DLG2: variants seen among roughly 807,000 people sequenced by gnomAD.
The protein encoded by DLG2 is discs large MAGUK scaffold protein 2.
Under a neutral mutation model 132.5 loss-of-function variants are expected in DLG2, and 45 were observed. That is an observed-to-expected ratio of 0.34 (90% CI 0.27 to 0.44). The LOEUF (loss-of-function observed/expected upper bound fraction) is 0.44. Among genes scored for constraint, DLG2 ranks in the 20% least tolerant of loss-of-function variants. DLG2 has a pLI of 1.00. For synonymous variants in DLG2, 424 were observed against 419.6 expected, an observed-to-expected ratio of 1.01 and a Z score of -0.13; for missense variants, 1,045 against 1,196.9, an observed-to-expected ratio of 0.87 and a Z score of 1.87.
chr11:84,347,143 A>C (rs2098542738), intron 7 of DLG2, among the ~76,000 whole-genome samples: 1 of 152,112 alleles, frequency 6.6e-6, no homozygotes, highest in Non-Finnish European at 1.5e-5. Flanking sequence ...TGATATGGAA[A>C]GTGTCACCCA....
chr11:83,894,300 T>A (rs942543428), intron 15 of DLG2, among the ~76,000 whole-genome samples: 4 of 151,968 alleles, frequency 2.6e-5, no homozygotes, highest in Non-Finnish European at 5.9e-5. Context: ...GATACATAAG[T>A]AAGTGATAGT....
In DLG2 at chr11:83,992,757, A is replaced by G. The variant is rs1381951475; in HGVS notation, c.920-12115T>C. ...GTCACTCCCTCCACTGAATTAGAAA[A>G]GGAGGAAAGGACAGTGGAGATGAAT... On this transcript the variant is annotated intron_variant, in intron 11 of 27. Coordinates refer to ENST00000376104, the MANE Select transcript of DLG2 (RefSeq NM_001142699.3). 2.0e-5 allele frequency among the ~76,000 whole-genome samples: 3 copies of G among 152,148 alleles called. No individual in the cohort carries two copies. The East Asian group carries it at 5.8e-4, about 29-fold the overall frequency.
At chr11:85,586,515 GA>G (rs1449962929) in intron 3 of DLG2, among the ~76,000 whole-genome samples, 1 of 152,108 alleles carries the variant, frequency 6.6e-6, no homozygotes, top group Non-Finnish European at 1.5e-5. Flanking sequence ...GAACAGTCTT[GA>G]ATGATCTTTT....
At chr11:83,800,218 T>C (rs1456303184) in intron 17 of DLG2, among the ~76,000 whole-genome samples, 2 of 152,198 alleles carry the variant, frequency 1.3e-5, no homozygotes, top group Non-Finnish European at 2.9e-5. Flanking sequence ...GCTGTTAGCT[T>C]ATTTGACTTT....
intron 3 of DLG2, among the ~76,000 whole-genome samples, chr11:85,419,899 TTTG>T (rs1597162079): frequency 1.3e-5 from 2 of 152,274 alleles, no homozygotes; most frequent in East Asian, 3.9e-4. Context: ...CTAGGAGGAG[TTTG>T]TTATTACCCA....
At chr11:85,153,496 A>G (rs2077398904) in intron 5 of DLG2, among the ~76,000 whole-genome samples, 1 of 152,098 alleles carries the variant, frequency 6.6e-6, no homozygotes, top group African/African-American at 2.4e-5. Context: ...TACAATTTTC[A>G]TTGTTTCTCA....
chr11:83,887,982 C>T (rs11512915), intron 15 of DLG2, among the ~76,000 whole-genome samples: 27,837 of 110,860 alleles, frequency 0.25, 4,171 homozygotes, highest in South Asian at 0.32. Flanking sequence ...GACAAACCCA[C>T]AGCCAATATC....
intron 3 of DLG2, among the ~76,000 whole-genome samples, chr11:85,359,923 G>A (rs905982945): frequency 5.9e-5 from 9 of 152,108 alleles, no homozygotes; most frequent in African/African-American, 2.2e-4. Flanking sequence ...TGAAAAAAAT[G>A]GTTTATATAA....
intron 8 of DLG2, among the ~76,000 whole-genome samples, chr11:84,196,296 A>G (rs1190402233): frequency 6.6e-6 from 1 of 152,200 alleles, no homozygotes; most frequent in Non-Finnish European, 1.5e-5. Flanking sequence ...AATCAATGTC[A>G]CAGGAACTCA....
chr11:85,557,135 C>T (rs548219111), intron 3 of DLG2, among the ~76,000 whole-genome samples: 1 of 151,734 alleles, frequency 6.6e-6, no homozygotes, highest in Non-Finnish European at 1.5e-5. Context: ...AGTAGCATTT[C>T]CATGATGAGA....
intron 4 of DLG2, among the ~76,000 whole-genome samples, chr11:85,277,621 CTG>C (rs565025855): frequency 4.1e-4 from 63 of 152,240 alleles, no homozygotes; most frequent in African/African-American, 1.5e-3. Flanking sequence ...ACTACCAGCT[CTG>C]TGAGTTACTC....
At chr11:83,480,393 T>C in intron 22 of DLG2, 1 of 1,535,514 alleles carries the variant, frequency 6.5e-7, no homozygotes, top group South Asian at 1.2e-5. Flanking sequence ...TCGCTATCGC[T>C]GGCATTAGAA....
chr11:85,265,991 C>A (rs951998204), intron 4 of DLG2, among the ~76,000 whole-genome samples: 5 of 152,192 alleles, frequency 3.3e-5, no homozygotes, highest in Admixed American at 6.5e-5. Flanking sequence ...CAGGACCCAC[C>A]AAATGTGGGT....
intron 16 of DLG2, among the ~76,000 whole-genome samples, chr11:83,862,976 G>C (rs2154052083): frequency 6.6e-6 from 1 of 152,248 alleles, no homozygotes; most frequent in Non-Finnish European, 1.5e-5. Context: ...TCAGTCGAGA[G>C]AAACTTTTCA....
At chr11:83,716,685 A>C (rs138791396) in intron 18 of DLG2, among the ~76,000 whole-genome samples, 277 of 152,344 alleles carry the variant, frequency 1.8e-3, no homozygotes, top group African/African-American at 6.5e-3. Flanking sequence ...CCTTTTGATC[A>C]CATAATAGAA....
chr11:84,740,600 A>C (rs2064480291), intron 6 of DLG2, among the ~76,000 whole-genome samples: 1 of 152,126 alleles, frequency 6.6e-6, no homozygotes, highest in African/African-American at 2.4e-5. Context: ...GCACCTCTCC[A>C]ACACTGGTGC....
At chr11:84,101,989 C>G (rs1266754364) in intron 9 of DLG2, among the ~76,000 whole-genome samples, 1 of 152,174 alleles carries the variant, frequency 6.6e-6, no homozygotes, top group Non-Finnish European at 1.5e-5. Flanking sequence ...ACTGCAGGCT[C>G]TTTACTGCAC....
At chr11:85,321,761 G>C (rs1376987370) in intron 3 of DLG2, among the ~76,000 whole-genome samples, 1 of 151,972 alleles carries the variant, frequency 6.6e-6, no homozygotes, top group African/African-American at 2.4e-5. Context: ...AGGAGGATGA[G>C]GTCTAATCAA....
At chr11:84,352,164 A>G (rs995112962) in intron 7 of DLG2, among the ~76,000 whole-genome samples, 8 of 152,226 alleles carry the variant, frequency 5.3e-5, no homozygotes, top group Non-Finnish European at 2.9e-5. Flanking sequence ...CTCTTGCTCC[A>G]CAGCATGGCA....
Sources: gnomAD v4.1 joint callset for allele counts (sites outside exome capture counted in the v4.1 genomes callset) on GRCh38, gnomAD v4.1.1 for gene constraint, MANE v1.5 for transcripts, NCBI Gene and HGNC (gene_info 2026-07-23, HGNC 2026-07-21) for gene names.